FREM2: variants seen among roughly 807,000 people sequenced by gnomAD.
The protein encoded by FREM2 is FRAS1-related extracellular matrix protein 2.
FREM2 carries 119 observed loss-of-function variants against 219.9 expected under a neutral mutation model. That is an observed-to-expected ratio of 0.54 (90% CI 0.47 to 0.63). The LOEUF is 0.63. Ranked by LOEUF, FREM2 falls within the 30% of genes least tolerant of loss-of-function variation. The pLI, the probability that FREM2 is intolerant of heterozygous loss-of-function variation, is 0.00. For synonymous variants in FREM2, 1,562 were observed against 1,522.8 expected (o/e 1.03, Z -0.60); for missense variants, 4,030 against 3,993.6 (o/e 1.01, Z -0.25).
At chr13:38,797,895 A>G (rs1481719974) in intron 6 of FREM2, among the ~76,000 whole-genome samples, 3 of 152,078 alleles carry the variant, frequency 2.0e-5, no homozygotes, top group African/African-American at 4.8e-5. Flanking sequence ...GGTTTTCTAG[A>G]TATAAAATAA....
At chr13:38,702,082 C>T (rs1407562591) in intron 2 of FREM2, among the ~76,000 whole-genome samples, 1 of 152,034 alleles carries the variant, frequency 6.6e-6, no homozygotes, top group Non-Finnish European at 1.5e-5. Context: ...CCAGTAGACC[C>T]TTTGCATTCC....
intron 16 of FREM2, among the ~76,000 whole-genome samples, chr13:38,872,157 G>T (rs537884384): frequency 2.0e-4 from 31 of 152,284 alleles, no homozygotes; most frequent in African/African-American, 7.0e-4. Context: ...AAACATGGAT[G>T]CACCTTGAAA....
At chr13:38,745,723 G>A (rs1872452689) in intron 2 of FREM2, among the ~76,000 whole-genome samples, 1 of 152,126 alleles carries the variant, frequency 6.6e-6, no homozygotes, top group African/African-American at 2.4e-5. Flanking sequence ...CTGATTCTGT[G>A]AGCTTTCTGG....
At chr13:38,756,924 A>C (rs1873033200) in intron 2 of FREM2, among the ~76,000 whole-genome samples, 1 of 152,176 alleles carries the variant, frequency 6.6e-6, no homozygotes, top group African/African-American at 2.4e-5. Context: ...AAAACTGTGA[A>C]TAGGATACTT....
chr13:38,851,930 T>A, intron 11 of FREM2, 62 bp downstream of exon 11: 1 of 1,425,282 alleles, frequency 7.0e-7, no homozygotes, highest in Non-Finnish European at 9.9e-7. Flanking sequence ...TCAGTGCCAG[T>A]GCCCTTAAGG....
rs746646649 is a variant in FREM2, at chr13:38,769,621, C to T, written c.5454C>T (p.Phe1818=). The T allele has an allele frequency of 5.6e-6, 9 of 1,614,006 alleles. 1 individual carries two copies. In the Admixed American group the frequency reaches 1.3e-4, roughly 24 times the overall value. The change falls in exon 4 of 24, where the codon TTC becomes TTT. Residue 1818 remains phenylalanine (F), a synonymous_variant. Transcript: ENST00000280481. ...RDRTAEKDKD[F]KGKAQKQVQF... ...GAACTGCAGAAAAAGACAAAGACTT[C>T]AAGGGCAAAGCACAGAAACAAGTGC...
At chr13:38,856,986 T>G (rs376516080) in intron 12 of FREM2, among the ~76,000 whole-genome samples, 28 of 152,320 alleles carry the variant, frequency 1.8e-4, no homozygotes, top group African/African-American at 6.3e-4. Context: ...TTTTATCATT[T>G]TGTAATCTTT....
At chr13:38,871,330 T>C (rs1566173764) in intron 16 of FREM2, among the ~76,000 whole-genome samples, 1 of 152,194 alleles carries the variant, frequency 6.6e-6, no homozygotes. Flanking sequence ...CTCATGCCTG[T>C]GATTCTTGTT....
At position 38,692,098 on chromosome 13, in the gene FREM2, A is replaced by G. The variant is rs2138072301; in HGVS notation, c.4754A>G (p.Asn1585Ser). The change falls in exon 1 of 24, where the codon AAT becomes AGT. Residue 1585 changes from asparagine to serine, a missense_variant. Physicochemically the swap from Asn to Ser is conservative, Grantham distance 46 (BLOSUM62 1). This residue lies in a region of FREM2 where 3,102 missense variants were observed against 2,950.7 expected (regional missense o/e 1.05). Coordinates refer to ENST00000280481, the MANE Select transcript of FREM2 (RefSeq NM_207361.6). The stretch of plus-strand genomic sequence containing the variant: ...ATTCATGGCCATCTCCTATTCAACA[A>G]TACCAGACCTGTCATGGTTTTTACC... ...VPIHGHLLFN[N>S]TRPVMVFTKQ... The G allele has an allele frequency of 3.1e-6, 5 of 1,614,194 alleles. No individual in the cohort carries two copies. The highest frequency in any genetic ancestry group is 1.1e-5 in the South Asian group (1 of 91,082).
chr13:38,801,142 T>A (rs1874992083), intron 6 of FREM2, among the ~76,000 whole-genome samples: 1 of 152,256 alleles, frequency 6.6e-6, no homozygotes, highest in Admixed American at 6.5e-5. Context: ...CTTGTGAATG[T>A]ATTTTGTATT....
chr13:38,775,111 G>T (rs538670222), intron 4 of FREM2, among the ~76,000 whole-genome samples: 1 of 152,132 alleles, frequency 6.6e-6, no homozygotes, highest in Non-Finnish European at 1.5e-5. Flanking sequence ...ACAAAGAAAA[G>T]ACAAAAATCT....
intron 6 of FREM2, among the ~76,000 whole-genome samples, chr13:38,811,957 T>A (rs1402004939): frequency 6.6e-6 from 1 of 152,170 alleles, no homozygotes; most frequent in Non-Finnish European, 1.5e-5. Flanking sequence ...AATGCTTACT[T>A]TATATATCTG....
chr13:38,819,016 C>G (rs928228764), intron 6 of FREM2, among the ~76,000 whole-genome samples: 4 of 152,054 alleles, frequency 2.6e-5, no homozygotes, highest in African/African-American at 9.7e-5. Context: ...ATCAAAACAT[C>G]AAGTTGCACC....
chr13:38,758,276 A>C (rs1873091627), intron 2 of FREM2, among the ~76,000 whole-genome samples: 1 of 152,124 alleles, frequency 6.6e-6, no homozygotes, highest in Non-Finnish European at 1.5e-5. Context: ...TTTATTTTTT[A>C]AACCGGATTT....
chr13:38,795,970 G>C (rs768835400), intron 6 of FREM2, among the ~76,000 whole-genome samples: 4 of 152,072 alleles, frequency 2.6e-5, no homozygotes, highest in East Asian at 1.9e-4. Flanking sequence ...GTGTATACAC[G>C]ATAGTTTTCT....
Position 38,689,674 on chromosome 13 carries a change from C to T in FREM2, c.2330C>T (p.Ala777Val), listed in dbSNP as rs751699658. ...GTCGTGGTGACCCATTTTACCCAAG[C>T]CCAGATCAACCATCATAAAATTGCT... ...PSVVVTHFTQ[A>V]QINHHKIAYR... Residue 777 changes from alanine (A) to valine (V), a missense_variant, in exon 1 of 24, where the codon GCC (alanine) becomes GTC (valine). By Grantham distance (64) the Ala-to-Val change is moderately conservative. Coordinates refer to ENST00000280481, the MANE Select transcript of FREM2 (RefSeq NM_207361.6). 1.9e-6 allele frequency: 3 copies of T among 1,614,064 alleles called. No homozygotes were observed. Among genetic ancestry groups the T allele is most frequent in the Admixed American group, 1.7e-5 (1 of 60,016 alleles).
At chr13:38,802,301 C>T (rs111365872) in intron 6 of FREM2, among the ~76,000 whole-genome samples, 1,893 of 152,112 alleles carry the variant, frequency 0.012, 28 homozygotes, top group African/African-American at 0.041. Context: ...TGCATGGTTT[C>T]CTTTCTCCTC....
At chr13:38,828,138 G>A (rs1876365561) in intron 6 of FREM2, among the ~76,000 whole-genome samples, 1 of 152,010 alleles carries the variant, frequency 6.6e-6, no homozygotes, top group Admixed American at 6.6e-5. Context: ...TGGTAAAGTG[G>A]CACAATATTC....
chr13:38,727,526 C>T (rs1871580393), intron 2 of FREM2, among the ~76,000 whole-genome samples: 1 of 152,152 alleles, frequency 6.6e-6, no homozygotes, highest in African/African-American at 2.4e-5. Context: ...CAACATTCTG[C>T]TCTTCAAATG....
Sources: allele counts gnomAD v4.1 joint callset (sites outside exome capture counted in the v4.1 genomes callset), GRCh38; gene constraint gnomAD v4.1.1; regional missense constraint gnomAD v4.1.1; transcripts MANE v1.5; gene names NCBI Gene and HGNC (gene_info 2026-07-23, HGNC 2026-07-21).